TADA2B: variants seen among roughly 807,000 people sequenced by gnomAD.
The protein encoded by TADA2B is transcriptional adaptor 2B.
In TADA2B, 13 loss-of-function variants were observed where a neutral mutation model predicts 34.5. The ratio of observed to expected loss-of-function variants is 0.38; its 90% CI spans 0.25 to 0.60. The LOEUF is 0.60. Among genes scored for constraint, TADA2B ranks in the 20% least tolerant of loss-of-function variants. The probability of loss-of-function intolerance (pLI) is 0.65; values close to 1 mark genes in which losing one functional copy is unlikely to be tolerated. For synonymous variants in TADA2B, 240 were observed against 243.4 expected, an observed-to-expected ratio of 0.99 and a Z score of 0.13; for missense variants, 442 against 575.0, an observed-to-expected ratio of 0.77 and a Z score of 2.37.
intron 1 of TADA2B, among the ~76,000 whole-genome samples, chr4:7,052,156 C>T (rs1284077984): frequency 2.0e-5 from 3 of 152,244 alleles, no homozygotes; most frequent in Non-Finnish European, 4.4e-5. Context: ...GCAGCAGCCC[C>T]TCCGCAGCCT....
chr4:7,043,899 G>A, intron 1 of TADA2B, 50 bp downstream of exon 1: 5 of 1,435,088 alleles, frequency 3.5e-6, no homozygotes, highest in Non-Finnish European at 4.6e-6. Flanking sequence ...TGGAAGGCCC[G>A]CGCCTCTCCT....
chr4:7,045,674 T>C (rs1427191126), intron 1 of TADA2B: 1 of 152,234 alleles, frequency 6.6e-6, no homozygotes, highest in Admixed American at 6.5e-5. Context: ...CGTTAGCTGC[T>C]AAGGAGGCGC....
intron 1 of TADA2B, 102 bp downstream of exon 1, chr4:7,043,951 C>G (rs879518356): frequency 7.5e-5 from 100 of 1,332,398 alleles, no homozygotes; most frequent in Non-Finnish European, 9.4e-5. Flanking sequence ...CTCGCTCGCT[C>G]CGCACCCCAG....
Position 7,054,675 on chromosome 4 carries a change from G to A in TADA2B, c.884G>A (p.Arg295Gln). Residue 295 changes from arginine (R) to glutamine (Q), a missense_variant, in exon 2 of 2, where the codon CGG (arginine) becomes CAG (glutamine). This residue lies in a region of TADA2B where 222 missense variants were observed against 235.2 expected (regional missense o/e 0.94). Coordinates refer to ENST00000310074, the MANE Select transcript of TADA2B (RefSeq NM_152293.3). ...RAKIRELQRY[R>Q]RNGITKMEES... ...AAGATCCGAGAACTGCAGCGGTACC[G>A]GCGAAACGGGATCACCAAGATGGAA... The A allele has an allele frequency of 6.2e-7, 1 of 1,613,866 alleles. No homozygotes were observed. The highest frequency in any genetic ancestry group is 8.5e-7 in the Non-Finnish European group (1 of 1,179,894).
At chr4:7,044,545 T>TA (rs756295248) in intron 1 of TADA2B, among the ~76,000 whole-genome samples, 2 of 152,178 alleles carry the variant, frequency 1.3e-5, no homozygotes, top group Non-Finnish European at 2.9e-5. Flanking sequence ...TGGATCCACT[T>TA]ACGCTAGCAA....
rs765886580 is a variant in TADA2B at position 7,043,654 on chromosome 4, G to T, written c.75G>T (p.Glu25Asp). The T allele has an allele frequency of 4.5e-6, 7 of 1,572,766 alleles. No homozygotes were observed. The highest frequency in any genetic ancestry group is 6.0e-6 in the Non-Finnish European group (7 of 1,161,372). ...EVSPLRFRCTECQDIELCPEC... is the reference protein window; with the variant it reads ...EVSPLRFRCTDCQDIELCPEC... Reference sequence around the variant, plus strand: ...GCCCGCTGCGCTTCCGCTGCACCGAGTGCCAGGACATCGAGCTGTGCCCCG... The same window carrying T: ...GCCCGCTGCGCTTCCGCTGCACCGATTGCCAGGACATCGAGCTGTGCCCCG... The change falls in exon 1 of 2, where the codon GAG becomes GAT. Residue 25 changes from glutamate (E) to aspartate (D), a missense_variant. By Grantham distance (45) the Glu-to-Asp change is conservative. Coordinates refer to ENST00000310074, the MANE Select transcript of TADA2B (RefSeq NM_152293.3).
At chr4:7,051,839 C>T (rs1435488911) in intron 1 of TADA2B, among the ~76,000 whole-genome samples, 1 of 151,266 alleles carries the variant, frequency 6.6e-6, no homozygotes, top group Non-Finnish European at 1.5e-5. Flanking sequence ...CCTCGTGATC[C>T]GCCTGCCTCG....
rs924977145 is a variant in TADA2B at position 7,057,425 on chromosome 4, C to G, written c.*2371C>G. 3 of 152,240 alleles carry G rather than the reference C, an allele frequency of 2.0e-5. No individual in the cohort carries two copies. Among genetic ancestry groups the G allele is most frequent in the African/African-American group, 7.2e-5 (3 of 41,456 alleles). 9.4% of individuals were successfully genotyped at this position (152,240 alleles called of 1,614,324 possible). ...GTAGTCCTTACCTCTGTCGGCAGCT[C>G]AGAGCCTCCACATTTTTATATTTAA... is the stretch of plus-strand genomic sequence containing the variant. On this transcript the variant is annotated 3_prime_UTR_variant, in exon 2 of 2. Coordinates refer to ENST00000310074, the MANE Select transcript of TADA2B (RefSeq NM_152293.3).
intron 1 of TADA2B, among the ~76,000 whole-genome samples, chr4:7,047,841 T>G (rs1723671929): frequency 6.6e-6 from 1 of 152,212 alleles, no homozygotes; most frequent in South Asian, 2.1e-4. Context: ...ACAAGAGTGT[T>G]GCTGGCTCAG....
At chr4:7,044,513 T>C (rs1202441024) in intron 1 of TADA2B, among the ~76,000 whole-genome samples, 1 of 152,150 alleles carries the variant, frequency 6.6e-6, no homozygotes, top group African/African-American at 2.4e-5. Context: ...CAGCCCTGTG[T>C]GGGGAGCGGT....
At position 7,043,692 on chromosome 4, in the gene TADA2B, C is replaced by T; in HGVS notation, c.113C>T (p.Ala38Val). Reference sequence around the variant, plus strand: ...GAGCTGTGCCCCGAGTGCTTCTCGGCCGGCGCCGAGATCGGCCACCACCGC... The same window carrying T: ...GAGCTGTGCCCCGAGTGCTTCTCGGTCGGCGCCGAGATCGGCCACCACCGC... The part of the protein sequence containing the change: ...DIELCPECFS[A>V]GAEIGHHRRY... Residue 38 changes from alanine (A) to valine (V), a missense_variant, in exon 1 of 2, where the codon GCC becomes GTC. Transcript: ENST00000310074. 6.3e-7 allele frequency: 1 copy of T among 1,586,602 alleles called. No homozygotes were observed. Among genetic ancestry groups the T allele is most frequent in the South Asian group, 1.1e-5 (1 of 88,398 alleles).
chr4:7,048,979 C>T lies in TADA2B; in HGVS notation c.271-5083C>T, dbSNP rs538111534. Among the ~76,000 whole-genome samples, 10 of 152,316 alleles carry T rather than the reference C, an allele frequency of 6.6e-5. 1 individual carries two copies. In the South Asian group the frequency reaches 1.4e-3, roughly 22 times the overall value. On this transcript the variant is annotated intron_variant, in intron 1 of 1. Transcript: ENST00000310074. ...TATCTACATAGCTGTGACGGACATT[C>T]GGTTGCCTCCACCTCTTGGCGAATG... is the stretch of plus-strand genomic sequence containing the variant.
chr4:7,045,359 A>C (rs1474634102), intron 1 of TADA2B, among the ~76,000 whole-genome samples: 4 of 152,060 alleles, frequency 2.6e-5, no homozygotes. Context: ...TCTTGCCTTG[A>C]CCACTTTGGG....
At chr4:7,051,061 C>T (rs151106970) in intron 1 of TADA2B, among the ~76,000 whole-genome samples, 117 of 152,302 alleles carry the variant, frequency 7.7e-4, no homozygotes, top group Middle Eastern at 6.8e-3. Flanking sequence ...TGGGCGTAGA[C>T]GTGCTTATCT....
Position 7,054,964 on chromosome 4 carries a change from C to T in TADA2B, c.1173C>T (p.Ser391=). The change falls in exon 2 of 2, where the codon AGC becomes AGT. Residue 391 remains serine (S), a synonymous_variant. Transcript: ENST00000310074. Reference sequence around the variant, plus strand: ...AGCGGCAAGGAATCCCCTCCAAAAGCCGCCTTCCTAGCTACCTGGACAAAG... The same window carrying T: ...AGCGGCAAGGAATCCCCTCCAAAAGTCGCCTTCCTAGCTACCTGGACAAAG... ...LQKRQGIPSK[S]RLPSYLDKVL... is the part of the protein sequence containing the mutation. 6.2e-7 allele frequency: 1 copy of T among 1,613,874 alleles called. No individual in the cohort carries two copies. Among genetic ancestry groups the T allele is most frequent in the Middle Eastern group, 1.6e-4 (1 of 6,062 alleles).
chr4:7,047,797 G>A (rs919157957), intron 1 of TADA2B, among the ~76,000 whole-genome samples: 2 of 152,204 alleles, frequency 1.3e-5, no homozygotes, highest in African/African-American at 4.8e-5. Context: ...TTGGGGTGAG[G>A]GAGGAAGCTG....
At chr4:7,045,861 C>T (rs1162686281) in intron 1 of TADA2B, 1 of 152,264 alleles carries the variant, frequency 6.6e-6, no homozygotes, top group Non-Finnish European at 1.5e-5. Context: ...GGAACAAAAA[C>T]ATCTATGTGG....
intron 1 of TADA2B, 135 bp downstream of exon 1, chr4:7,043,984 C>A: frequency 1.7e-6 from 2 of 1,191,006 alleles, no homozygotes; most frequent in Non-Finnish European, 2.2e-6. Flanking sequence ...GTGGGGAGGG[C>A]GACGCTGCCG....
In TADA2B at chr4:7,054,098, C is replaced by T. The variant is rs907273388; in HGVS notation, c.307C>T (p.Pro103Ser). ...TGCCCACGTTGGTGCTTCCCGGACT[C>T]CCCAAGAGGTGATGGAGCATTACGT... ...MAAHVGASRT[P>S]QEVMEHYVSM... The change falls in exon 2 of 2, where the codon CCC becomes TCC. Residue 103 changes from proline to serine, a missense_variant. Pro to Ser is a moderately conservative substitution (Grantham distance 74). Coordinates refer to ENST00000310074, the MANE Select transcript of TADA2B (RefSeq NM_152293.3). The T allele has an allele frequency of 6.3e-7, 1 of 1,599,102 alleles. No individual in the cohort carries two copies. The highest frequency in any genetic ancestry group is 8.5e-7 in the Non-Finnish European group (1 of 1,173,028).
Sources: gnomAD v4.1 joint callset for allele counts (sites outside exome capture counted in the v4.1 genomes callset) on GRCh38, gnomAD v4.1.1 for gene constraint, gnomAD v4.1.1 regional missense constraint, MANE v1.5 for transcripts, NCBI Gene and HGNC (gene_info 2026-07-23, HGNC 2026-07-21) for gene names.